Variants in SARDH observed in about 807,000 individuals in gnomAD.
The protein encoded by SARDH is sarcosine dehydrogenase.
SARDH carries 95 observed loss-of-function variants against 109.1 expected under a neutral mutation model. The ratio of observed to expected loss-of-function variants is 0.87; its 90% CI spans 0.74 to 1.03. The LOEUF is 1.03. Among genes scored for constraint, SARDH ranks in the 50% least tolerant of loss-of-function variants. The pLI is 0.00. For synonymous variants in SARDH, 572 were observed against 534.8 expected (o/e 1.07, Z -0.96); for missense variants, 1,267 against 1,287.8 (o/e 0.98, Z 0.25).
chr9:133,719,340 T>C (rs1202676937), intron 6 of SARDH, among the ~76,000 whole-genome samples: 1 of 151,984 alleles, frequency 6.6e-6, no homozygotes, highest in Non-Finnish European at 1.5e-5. Context: ...GCAAAACATA[T>C]AACCGACAAA....
Position 133,709,860 on chromosome 9 carries a change from A to G in SARDH, c.1329-1432T>C, listed in dbSNP as rs1480687288. 6.6e-6 allele frequency among the ~76,000 whole-genome samples: 1 copy of G among 152,128 alleles called. No homozygotes were observed. Among genetic ancestry groups the G allele is most frequent in the East Asian group, 1.9e-4 (1 of 5,172 alleles). ...GTGTTCACAGTCACACGGCAAGGCC[A>G]CGGCAAAGGCAGCCCACACCTGCGC... is the stretch of plus-strand genomic sequence containing the variant. On this transcript the variant is annotated intron_variant, in intron 10 of 20. Transcript: ENST00000439388. The surrounding 1 kb of genome is among the most constrained non-coding windows in gnomAD (Gnocchi z 4.2).
intron 6 of SARDH, among the ~76,000 whole-genome samples, chr9:133,721,923 C>T (rs936216755): frequency 6.6e-6 from 1 of 152,072 alleles, no homozygotes; most frequent in African/African-American, 2.4e-5. Flanking sequence ...CGAGACCAGC[C>T]TTGGCAACAT....
chr9:133,708,978 C>T (rs1831811483), intron 10 of SARDH, among the ~76,000 whole-genome samples: 1 of 152,180 alleles, frequency 6.6e-6, no homozygotes, highest in African/African-American at 2.4e-5. Context: ...TCAGGCCTCC[C>T]CAAGTCTGTG....
At chr9:133,676,122 G>A (rs1375208529) in intron 17 of SARDH, among the ~76,000 whole-genome samples, 1 of 151,394 alleles carries the variant, frequency 6.6e-6, no homozygotes, top group Non-Finnish European at 1.5e-5. Context: ...ACCAAAAACA[G>A]ATGATGAACA....
intron 13 of SARDH, among the ~76,000 whole-genome samples, chr9:133,699,168 G>A (rs184038696): frequency 0.013 from 1,959 of 152,240 alleles, 44 homozygotes; most frequent in African/African-American, 0.045. Context: ...CCAACATGGA[G>A]AAACCCCATC....
intron 10 of SARDH, among the ~76,000 whole-genome samples, chr9:133,711,808 C>T (rs557947585): frequency 7.9e-5 from 12 of 152,312 alleles, no homozygotes; most frequent in African/African-American, 2.9e-4. Context: ...TCCCTCCAAG[C>T]CGTCCTGCCT....
intron 6 of SARDH, among the ~76,000 whole-genome samples, chr9:133,726,352 A>G (rs190951076): frequency 6.7e-6 from 1 of 149,250 alleles, no homozygotes; most frequent in Non-Finnish European, 1.5e-5. Flanking sequence ...TGGGAAACAG[A>G]GTGAGACCCT....
intron 13 of SARDH, among the ~76,000 whole-genome samples, chr9:133,701,185 C>A (rs892543462): frequency 1.3e-5 from 2 of 152,220 alleles, no homozygotes; most frequent in African/African-American, 4.8e-5. Context: ...CATTGGCGGA[C>A]TGGATTGAAA....
chr9:133,660,114 T>G (rs138709187), downstream of SARDH, among the ~76,000 whole-genome samples: 145 of 144,254 alleles, frequency 1.0e-3, 5 homozygotes, highest in East Asian at 0.032. Context: ...CTCTTCCTCT[T>G]GCAGAGACAG....
At chr9:133,688,929 C>T (rs970767565) in intron 16 of SARDH, among the ~76,000 whole-genome samples, 1 of 152,370 alleles carries the variant, frequency 6.6e-6, no homozygotes, top group African/African-American at 2.4e-5. Context: ...ACGCGTCTAC[C>T]GTGTGCCCCT....
intron 8 of SARDH, among the ~76,000 whole-genome samples, chr9:133,716,447 G>A (rs2131460773): frequency 6.6e-6 from 1 of 152,346 alleles, no homozygotes; most frequent in East Asian, 1.9e-4. Context: ...GCCAAGGTCA[G>A]CTGCAGCCCC....
intron 2 of SARDH, 145 bp from the exon 3 acceptor site, chr9:133,732,746 G>T: frequency 1.1e-6 from 1 of 891,668 alleles, no homozygotes; most frequent in Non-Finnish European, 1.7e-6. Context: ...GGGGCCTGGA[G>T]AGGTTGTTGA....
rs150267127 is a variant in SARDH, at chr9:133,710,640, C to T, written c.1328+1979G>A. Reference sequence around the variant, plus strand: ...TCACTTTCTTTTCTGGGTCTTTCAACGACTTTCTCAGGCACCTCCTTCCTC... The same window carrying T: ...TCACTTTCTTTTCTGGGTCTTTCAATGACTTTCTCAGGCACCTCCTTCCTC... On this transcript the variant is annotated intron_variant, in intron 10 of 20. Coordinates refer to ENST00000439388, the MANE Select transcript of SARDH (RefSeq NM_001134707.2). Among the ~76,000 whole-genome samples the T allele has an allele frequency of 4.3e-3, 655 of 152,382 alleles. 7 individuals are homozygous for T. Among genetic ancestry groups the T allele is most frequent in the African/African-American group, 0.015 (631 of 41,594 alleles).
rs1303939556 is a variant in SARDH at position 133,709,583 on chromosome 9, G to A, written c.1329-1155C>T. On this transcript the variant is annotated intron_variant, in intron 10 of 20. Transcript: ENST00000439388. The surrounding 1 kb of genome is among the most constrained non-coding windows in gnomAD (Gnocchi z 4.2). ...GTCAGGGCTGATTCTTAGTCTGCAC[G>A]TAATTCTAGCAAGCAGAATTTTCTG... 6.6e-6 allele frequency among the ~76,000 whole-genome samples: 1 copy of A among 152,108 alleles called. No individual in the cohort carries two copies. The highest frequency in any genetic ancestry group is 1.5e-5 in the Non-Finnish European group (1 of 68,032).
downstream of SARDH, among the ~76,000 whole-genome samples, chr9:133,659,682 A>G (rs1372682385): frequency 1.3e-5 from 2 of 152,156 alleles, no homozygotes; most frequent in Non-Finnish European, 2.9e-5. Flanking sequence ...TTCATCACAG[A>G]AGGGAAGTCA....
chr9:133,670,709 G>C lies in SARDH; in HGVS notation c.2370C>G (p.Pro790=). ...WHADLRPDDS[P]LEAGLAFTCK... is the part of the protein sequence containing the mutation. ...AGGTGAAGGCCAGGCCTGCCTCCAG[G>C]GGGCTGTCGTCTGGCCGCAGGTCCG... Residue 790 remains proline (P), a synonymous_variant, in exon 19 of 21, where the codon CCC becomes CCG. Transcript: ENST00000439388. 6.2e-7 allele frequency: 1 copy of C among 1,603,264 alleles called. No homozygotes were observed. The highest frequency in any genetic ancestry group is 8.5e-7 in the Non-Finnish European group (1 of 1,175,928).
In SARDH at chr9:133,718,689, T is replaced by C. The variant is rs771842339; in HGVS notation, c.1020+249A>G. The stretch of plus-strand genomic sequence containing the variant: ...CCCTTCTGAGGTCATCACTCCACAC[T>C]GCGCAGACCTTCTCTGTGGATGTTT... On this transcript the variant is annotated intron_variant, in intron 7 of 20. Coordinates refer to ENST00000439388, the MANE Select transcript of SARDH (RefSeq NM_001134707.2). This position sits in a 1 kb window ranked among gnomAD's most constrained non-coding sequence, Gnocchi z 4.2. 2.6e-6 allele frequency: 2 copies of C among 779,678 alleles called. No homozygotes were observed. Among genetic ancestry groups the C allele is most frequent in the South Asian group, 2.7e-5 (2 of 74,620 alleles). 48.3% of individuals were successfully genotyped at this position (779,678 alleles called of 1,614,324 possible).
chr9:133,684,085 G>C (rs939300236), intron 17 of SARDH, among the ~76,000 whole-genome samples: 7 of 152,220 alleles, frequency 4.6e-5, no homozygotes, highest in Admixed American at 3.3e-4. Context: ...CCCGGCCCCC[G>C]CTGCCACTAC....
At chr9:133,696,175 G>A (rs1588415637) in intron 14 of SARDH, 48 bp downstream of exon 14, 1 of 1,607,036 alleles carries the variant, frequency 6.2e-7, no homozygotes, top group Middle Eastern at 1.7e-4. Context: ...GCCTGAGGCT[G>A]TGCCCATGGA....
Sources: allele counts gnomAD v4.1 joint callset (sites outside exome capture counted in the v4.1 genomes callset), GRCh38; gene constraint gnomAD v4.1.1; non-coding constraint Gnocchi (gnomAD v3.1); transcripts MANE v1.5; gene names NCBI Gene and HGNC (gene_info 2026-07-23, HGNC 2026-07-21).